The following WDR64 variants were observed in gnomAD, a reference collection of about 807,000 sequenced individuals.
The protein encoded by WDR64 is WD repeat domain 64, also known as WD repeat-containing protein 64.
In WDR64, 112 loss-of-function variants were observed where a neutral mutation model predicts 139.3. The ratio of observed to expected loss-of-function variants is 0.80; its 90% CI spans 0.69 to 0.94. The LOEUF is 0.94. Among genes scored for constraint, WDR64 ranks in the 40% least tolerant of loss-of-function variants. The pLI, the probability that WDR64 is intolerant of heterozygous loss-of-function variation, is 0.00. For missense variants in WDR64, 1,206 were observed against 1,293.1 expected (o/e 0.93, Z 1.03); for synonymous variants, 444 against 437.7 (o/e 1.01, Z -0.18).
chr1:241,709,572 C>T (rs1274067341), intron 8 of WDR64, among the ~76,000 whole-genome samples: 1 of 152,044 alleles, frequency 6.6e-6, no homozygotes, highest in African/African-American at 2.4e-5. Flanking sequence ...TATGGTCATG[C>T]CATTGCACTC....
chr1:241,700,097 A>G (rs1216351294), intron 8 of WDR64, among the ~76,000 whole-genome samples: 3 of 150,842 alleles, frequency 2.0e-5, no homozygotes, highest in Non-Finnish European at 4.4e-5. Flanking sequence ...GAGAACAGAT[A>G]TTCTTGCACA....
Position 241,790,514 on chromosome 1 carries a change from G to A in WDR64, c.2892-77G>A, listed in dbSNP as rs952150352. 31 of 1,223,096 alleles carry A rather than the reference G, an allele frequency of 2.5e-5. No individual in the cohort carries two copies. The Middle Eastern group carries it at 5.9e-4, about 23-fold the overall frequency. The allele number at this position is 1,223,096 out of a possible 1,614,324, so 75.8% of individuals were successfully genotyped here. A position where few individuals can be genotyped will look rare whatever the true frequency, so the allele number is the denominator to read the frequency against. On this transcript the variant is annotated intron_variant, in intron 24 of 27. Coordinates refer to ENST00000437684, the MANE Select transcript of WDR64 (RefSeq NM_001367482.1). ...CCAAGAAATGTGGGCACCAGAGAAG[G>A]ACATAATGGATCTTTGTTTAGTTGG...
rs1189764750 is a variant in WDR64 at position 241,787,981 on chromosome 1, C to A, written c.2838C>A (p.Ser946Arg). The A allele has an allele frequency of 1.2e-6, 2 of 1,606,648 alleles. No homozygotes were observed. Among genetic ancestry groups the A allele is most frequent in the Non-Finnish European group, 1.7e-6 (2 of 1,177,958 alleles). ...TEYPIEIKEE[S>R]KFTEKQKYEY... ...ATCCCATAGAAATAAAAGAAGAAAG[C>A]AAGTTCACAGAGAAGCAAAAATATG... Residue 946 changes from serine (S) to arginine (R), a missense_variant, in exon 24 of 28, where the codon AGC becomes AGA. By Grantham distance (110) the Ser-to-Arg change is moderately radical. Transcript: ENST00000437684.
chr1:241,680,426 T>C (rs868006951), intron 6 of WDR64, among the ~76,000 whole-genome samples: 8 of 152,222 alleles, frequency 5.3e-5, no homozygotes, highest in African/African-American at 1.9e-4. Flanking sequence ...TGCTGTGTTA[T>C]AGACCAGGTT....
At chr1:241,774,295 G>A (rs1263765766) in intron 20 of WDR64, among the ~76,000 whole-genome samples, 1 of 152,164 alleles carries the variant, frequency 6.6e-6, no homozygotes, top group African/African-American at 2.4e-5. Flanking sequence ...TAGCTTATTC[G>A]TGAAAACAAC....
At chr1:241,675,127 C>CCTTCCTCCCTCCCTCCTTCCTT (rs1558466150) in intron 4 of WDR64, among the ~76,000 whole-genome samples, 1 of 57,504 alleles carries the variant, frequency 1.7e-5, no homozygotes, top group African/African-American at 8.3e-5. Flanking sequence ...CTCCCTCCTT[C>CCTTCCTCCCTCCCTCCTTCCTT]CCTCCTTCCC....
intron 4 of WDR64, among the ~76,000 whole-genome samples, chr1:241,675,189 TCCTCCCAACTTCCCTCCCTTCCTCCCTC>T (rs1666485112): frequency 2.5e-5 from 1 of 40,720 alleles, no homozygotes; most frequent in African/African-American, 1.1e-4. Flanking sequence ...CTTCTTTCCT[TCCTCCCAACTTCCCTCCCTTCCTCCCTC>T]CCTTCTTCCT....
chr1:241,769,526 C>G (rs1418995080), intron 17 of WDR64, 21 bp downstream of exon 17: 1 of 1,535,576 alleles, frequency 6.5e-7, no homozygotes, highest in South Asian at 1.2e-5. Context: ...ACTTACTGAA[C>G]CAGTAATACT....
chr1:241,697,740 G>T (rs1318316369), intron 8 of WDR64, among the ~76,000 whole-genome samples: 1 of 151,936 alleles, frequency 6.6e-6, no homozygotes, highest in African/African-American at 2.4e-5. Flanking sequence ...ACTGCCTCCA[G>T]TTCCTTGATG....
chr1:241,705,909 C>T (rs752174963), intron 8 of WDR64, among the ~76,000 whole-genome samples: 5 of 152,160 alleles, frequency 3.3e-5, no homozygotes, highest in Non-Finnish European at 5.9e-5. Flanking sequence ...ATTCTGAAGG[C>T]TGCAGGCTGG....
chr1:241,759,734 A>G (rs989511156), intron 15 of WDR64, among the ~76,000 whole-genome samples: 8 of 152,270 alleles, frequency 5.3e-5, no homozygotes, highest in African/African-American at 1.9e-4. Flanking sequence ...ACGTAAAGTA[A>G]TATTTACCAC....
rs974851222 is a variant in WDR64 at position 241,656,206 on chromosome 1, G to A, written c.145+3577G>A. Among the ~76,000 whole-genome samples, 8 of 152,172 alleles carry A rather than the reference G, an allele frequency of 5.3e-5. No homozygotes were observed. The highest frequency in any genetic ancestry group is 1.9e-4 in the African/African-American group (8 of 41,430). On this transcript the variant is annotated intron_variant, in intron 1 of 27. Transcript: ENST00000437684. The surrounding 1 kb of genome is among the most constrained non-coding windows in gnomAD (Gnocchi z 4.3). ...TCACTTTTGTCAGGCTGTTAATAAT[G>A]TCTGGCACAAATTCATATTTATTAA...
At chr1:241,769,176 T>G (rs12088589) in intron 16 of WDR64, among the ~76,000 whole-genome samples, 24,126 of 152,150 alleles carry the variant, frequency 0.16, 2,188 homozygotes, top group African/African-American at 0.21. Flanking sequence ...GTAGGAAGAT[T>G]AGACAGGTTA....
chr1:241,660,837 T>C, intron 2 of WDR64, 177 bp downstream of exon 2: 1 of 642,130 alleles, frequency 1.6e-6, no homozygotes. Flanking sequence ...GTGGGTAAAG[T>C]AGGTAACTAT....
intron 17 of WDR64, among the ~76,000 whole-genome samples, chr1:241,769,831 A>G (rs1350126912): frequency 6.6e-6 from 1 of 152,192 alleles, no homozygotes; most frequent in Non-Finnish European, 1.5e-5. Context: ...ACTTTTCGCC[A>G]AAATCTGACA....
chr1:241,742,416 C>A (rs1418037759), intron 12 of WDR64, among the ~76,000 whole-genome samples: 1 of 152,164 alleles, frequency 6.6e-6, no homozygotes. Flanking sequence ...TCATAAAGAC[C>A]TTGCTGATAA....
chr1:241,721,415 CTT>C (rs1668605096), intron 9 of WDR64, among the ~76,000 whole-genome samples: 1 of 151,984 alleles, frequency 6.6e-6, no homozygotes, highest in African/African-American at 2.4e-5. Context: ...TAAATTATAA[CTT>C]AGGTTATAAC....
chr1:241,710,466 T>C (rs1187483385), intron 8 of WDR64, among the ~76,000 whole-genome samples: 2 of 139,774 alleles, frequency 1.4e-5, no homozygotes, highest in African/African-American at 2.7e-5. Flanking sequence ...TATGAATATA[T>C]GGTAGATGCT....
At chr1:241,790,254 G>A (rs974355882) in intron 24 of WDR64, among the ~76,000 whole-genome samples, 5 of 152,276 alleles carry the variant, frequency 3.3e-5, no homozygotes, top group Admixed American at 6.5e-5. Context: ...GGGAGGCTGA[G>A]GCACAAGAAT....
Sources: gnomAD v4.1 joint callset for allele counts (sites outside exome capture counted in the v4.1 genomes callset) on GRCh38, gnomAD v4.1.1 for gene constraint, Gnocchi (gnomAD v3.1) non-coding constraint, MANE v1.5 for transcripts, NCBI Gene and HGNC (gene_info 2026-07-23, HGNC 2026-07-21) for gene names.